Variants in TNR observed in about 807,000 individuals in gnomAD.
TNR encodes tenascin R.
Under a neutral mutation model 150.4 loss-of-function variants are expected in TNR, and 45 were observed. That is an observed-to-expected ratio of 0.30 (90% CI 0.24 to 0.38). TNR has a LOEUF of 0.38. Ranked by LOEUF, TNR falls within the 10% of genes least tolerant of loss-of-function variation. TNR has a pLI of 1.00. For synonymous variants in TNR, 687 were observed against 678.4 expected (o/e 1.01, Z -0.20); for missense variants, 1,544 against 1,759.1 (o/e 0.88, Z 2.19).
intron 1 of TNR, among the ~76,000 whole-genome samples, chr1:175,610,059 T>C (rs1251238832): frequency 2.6e-5 from 4 of 152,166 alleles, no homozygotes; most frequent in Non-Finnish European, 5.9e-5. Context: ...ATTTTGAACA[T>C]AAGCAGAAAC....
chr1:175,592,261 A>G (rs868333845), intron 1 of TNR, among the ~76,000 whole-genome samples: 6 of 152,216 alleles, frequency 3.9e-5, no homozygotes, highest in African/African-American at 1.4e-4. Context: ...GGTGGTTATT[A>G]TCACGTTTAT....
chr1:175,691,695 A>T (rs1371740583), intron 1 of TNR, among the ~76,000 whole-genome samples: 1 of 151,992 alleles, frequency 6.6e-6, no homozygotes, highest in Admixed American at 6.5e-5. Flanking sequence ...ATCAGGGGAA[A>T]CCTGTTAGCT....
chr1:175,538,871 G>A (rs1257155209), intron 1 of TNR: 1 of 152,272 alleles, frequency 6.6e-6, no homozygotes, highest in Non-Finnish European at 1.5e-5. Flanking sequence ...ACTTGAGGCA[G>A]AGGCTTGACA....
intron 15 of TNR, 77 bp from the exon 16 acceptor site, chr1:175,356,539 T>G: frequency 6.4e-7 from 1 of 1,558,286 alleles, no homozygotes; most frequent in Non-Finnish European, 8.7e-7. Flanking sequence ...CCAAAGGTAT[T>G]TCACATGGAT....
intron 2 of TNR, among the ~76,000 whole-genome samples, chr1:175,519,736 A>G (rs1422823406): frequency 6.6e-6 from 1 of 152,236 alleles, no homozygotes; most frequent in Non-Finnish European, 1.5e-5. Context: ...CCCACAAGGA[A>G]TAGTGGTCTC....
chr1:175,593,991 G>T (rs1365493394), intron 1 of TNR, among the ~76,000 whole-genome samples: 3 of 152,158 alleles, frequency 2.0e-5, no homozygotes, highest in Non-Finnish European at 4.4e-5. Flanking sequence ...GATCTTAGGA[G>T]GCTCAGCACA....
chr1:175,411,389 CA>C (rs1654208096), intron 2 of TNR, among the ~76,000 whole-genome samples: 1 of 152,130 alleles, frequency 6.6e-6, no homozygotes, highest in African/African-American at 2.4e-5. Flanking sequence ...GGAGCTAACC[CA>C]CTATAATATG....
Position 175,434,519 on chromosome 1 carries a change from C to T in TNR, c.-63-27742G>A, listed in dbSNP as rs530162630. ...TTTGCCCTGGAGTTGATACATTGTC[C>T]ATATTAATTCAAAAAAAGTTTATCA... On this transcript the variant is annotated intron_variant, in intron 2 of 22. Coordinates refer to ENST00000367674, the MANE Select transcript of TNR (RefSeq NM_003285.3). Among the ~76,000 whole-genome samples the T allele has an allele frequency of 2.0e-5, 3 of 152,206 alleles. No individual in the cohort carries two copies. In the South Asian group the frequency reaches 6.2e-4, roughly 32 times the overall value.
intron 1 of TNR, among the ~76,000 whole-genome samples, chr1:175,629,149 A>T (rs1019455213): frequency 6.6e-6 from 1 of 152,148 alleles, no homozygotes; most frequent in Admixed American, 6.5e-5. Context: ...CATCTCCAGC[A>T]ACTGATCTTG....
chr1:175,388,133 C>T (rs924585543), intron 7 of TNR, among the ~76,000 whole-genome samples: 11 of 151,982 alleles, frequency 7.2e-5, no homozygotes, highest in African/African-American at 2.7e-4. Context: ...CTCCTAGTTG[C>T]TGTGTAAGCA....
chr1:175,618,056 G>A (rs1663838134), intron 1 of TNR, among the ~76,000 whole-genome samples: 1 of 152,148 alleles, frequency 6.6e-6, no homozygotes, highest in African/African-American at 2.4e-5. Flanking sequence ...TACTTAATTG[G>A]GAGGGTCATT....
intron 4 of TNR, 60 bp downstream of exon 4, chr1:175,403,080 G>A (rs1653786953): frequency 7.3e-7 from 1 of 1,376,070 alleles, no homozygotes; most frequent in Non-Finnish European, 1.0e-6. Context: ...CTAACTGGAG[G>A]CATCCAGCTA....
At chr1:175,484,702 G>A (rs1292492953) in intron 2 of TNR, among the ~76,000 whole-genome samples, 1 of 152,068 alleles carries the variant, frequency 6.6e-6, no homozygotes, top group African/African-American at 2.4e-5. Context: ...TATTTATTCT[G>A]AACAGAACAA....
intron 8 of TNR, among the ~76,000 whole-genome samples, chr1:175,383,671 G>A (rs1053965445): frequency 5.3e-5 from 8 of 152,272 alleles, no homozygotes; most frequent in Middle Eastern, 3.4e-3. Context: ...TCCTAGTGTC[G>A]GAGCCATCAC....
intron 1 of TNR, among the ~76,000 whole-genome samples, chr1:175,561,733 G>C (rs1661435825): frequency 6.6e-6 from 1 of 152,182 alleles, no homozygotes; most frequent in African/African-American, 2.4e-5. Flanking sequence ...GTGCATCTAA[G>C]GAAAGAAACT....
intron 1 of TNR, among the ~76,000 whole-genome samples, chr1:175,723,255 C>T (rs769330432): frequency 9.2e-5 from 14 of 152,232 alleles, no homozygotes; most frequent in Non-Finnish European, 1.8e-4. Context: ...ATGACAGAGG[C>T]ATCTAAACAT....
intron 1 of TNR, among the ~76,000 whole-genome samples, chr1:175,650,036 A>C (rs1163695241): frequency 6.6e-6 from 1 of 152,206 alleles, no homozygotes; most frequent in Non-Finnish European, 1.5e-5. Context: ...GGCAAGAAGA[A>C]ATCCTTAAAA....
intron 1 of TNR, among the ~76,000 whole-genome samples, chr1:175,720,538 C>A (rs991177908): frequency 6.6e-6 from 1 of 152,150 alleles, no homozygotes. Context: ...GGGCTCAGAG[C>A]TTAATAAGGA....
At chr1:175,460,146 G>A (rs954495420) in intron 2 of TNR, among the ~76,000 whole-genome samples, 7 of 152,142 alleles carry the variant, frequency 4.6e-5, no homozygotes, top group Admixed American at 3.9e-4. Flanking sequence ...GGGATCCTTT[G>A]CCTTTCAGTG....
Sources: allele counts gnomAD v4.1 joint callset (sites outside exome capture counted in the v4.1 genomes callset), GRCh38; gene constraint gnomAD v4.1.1; transcripts MANE v1.5; gene names NCBI Gene and HGNC (gene_info 2026-07-23, HGNC 2026-07-21).